The following TEX11 variants were observed in gnomAD, a reference collection of about 807,000 sequenced individuals.
TEX11 encodes testis-expressed protein 11.
A neutral mutation model predicts 84.4 loss-of-function variants in TEX11; 7 were observed. That is an observed-to-expected ratio of 0.08 (90% confidence interval 0.05 to 0.16). TEX11 has a LOEUF of 0.16. Ranked by LOEUF, TEX11 falls within the 10% of genes least tolerant of loss-of-function variation. The pLI, the probability that TEX11 is intolerant of heterozygous loss-of-function variation, is 1.00. For missense variants in TEX11, 551 were observed against 660.5 expected, an observed-to-expected ratio of 0.83 and a Z score of 1.82; for synonymous variants, 264 against 222.8, an observed-to-expected ratio of 1.18 and a Z score of -1.64.
At chrX:70,694,368 T>TAAAACAAAAC (rs752930566) in intron 13 of TEX11, among the ~76,000 whole-genome samples, 1 of 111,359 alleles carries the variant, frequency 9.0e-6, no homozygotes, top group African/African-American at 3.3e-5. Flanking sequence ...ACTCAATACT[T>TAAAACAAAAC]AAAACAAAAC....
At chrX:70,796,850 CAT>C (rs2091158269) in intron 9 of TEX11, among the ~76,000 whole-genome samples, 1 of 112,000 alleles carries the variant, frequency 8.9e-6, no homozygotes. Context: ...GGTCAACAAA[CAT>C]ATGAAAAAAT....
chrX:70,749,086 T>C (rs1170062069), intron 9 of TEX11, among the ~76,000 whole-genome samples: 1 of 104,322 alleles, frequency 9.6e-6, no homozygotes, highest in African/African-American at 3.7e-5. Context: ...TTGTATCCTC[T>C]TTTATTTCAT....
At chrX:70,884,669 G>A (rs1268273844) in intron 2 of TEX11, among the ~76,000 whole-genome samples, 1 of 110,693 alleles carries the variant, frequency 9.0e-6, no homozygotes, top group Non-Finnish European at 1.9e-5. Context: ...ATTGGATATG[G>A]TACAAGAGAA....
chrX:70,679,013 C>T, intron 14 of TEX11, 124 bp from the exon 15 acceptor site: 1 of 549,080 alleles, frequency 1.8e-6, no homozygotes, highest in Non-Finnish European at 2.9e-6. Flanking sequence ...CCTCTGATGC[C>T]GAGCTGAAGC....
chrX:70,718,816 C>T (rs962031314), intron 13 of TEX11, among the ~76,000 whole-genome samples: 2 of 111,293 alleles, frequency 1.8e-5, no homozygotes, highest in Admixed American at 9.6e-5. Context: ...CTATAAGGAC[C>T]GGCCCTCTGA....
At chrX:70,878,258 C>T (rs1034814011) in intron 3 of TEX11, among the ~76,000 whole-genome samples, 3 of 105,973 alleles carry the variant, frequency 2.8e-5, no homozygotes, top group Admixed American at 1.0e-4. Flanking sequence ...CTGCAAGCTC[C>T]GCCTTCTGGG....
At chrX:70,680,923 G>A (rs1029822211) in intron 14 of TEX11, among the ~76,000 whole-genome samples, 4 of 112,512 alleles carry the variant, frequency 3.6e-5, no homozygotes, top group African/African-American at 1.3e-4. Flanking sequence ...ATACTATTAT[G>A]TGCTAAATAG....
intron 25 of TEX11, among the ~76,000 whole-genome samples, chrX:70,590,809 G>A (rs6625637): frequency 0.43 from 47,578 of 110,579 alleles, 8,402 homozygotes; most frequent in East Asian, 0.6. Context: ...GTGCAATGGC[G>A]TGATCTTGGC....
intron 17 of TEX11, among the ~76,000 whole-genome samples, chrX:70,648,413 A>T (rs1472022468): frequency 9.1e-6 from 1 of 110,268 alleles, no homozygotes; most frequent in African/African-American, 3.3e-5. Flanking sequence ...AAGTATAATA[A>T]TAAAATAAAT....
At chrX:70,780,660 G>A (rs893847424) in intron 9 of TEX11, among the ~76,000 whole-genome samples, 4 of 112,643 alleles carry the variant, frequency 3.6e-5, no homozygotes, top group Admixed American at 1.9e-4. Context: ...ATTCCCTCTC[G>A]TGCCTGGCTT....
intron 15 of TEX11, among the ~76,000 whole-genome samples, chrX:70,674,353 A>G (rs762744096): frequency 5.4e-4 from 60 of 112,084 alleles, no homozygotes; most frequent in African/African-American, 1.8e-3. Flanking sequence ...TAGTGCTGCA[A>G]TGAACATTTG....
chrX:70,733,609 C>G (rs1352516816), intron 11 of TEX11, among the ~76,000 whole-genome samples: 8 of 111,567 alleles, frequency 7.2e-5, no homozygotes, highest in African/African-American at 1.6e-4. Context: ...AGTGAGATAC[C>G]ATCTCACACC....
chrX:70,843,960 A>C (rs2091463139), intron 7 of TEX11, among the ~76,000 whole-genome samples: 2 of 111,235 alleles, frequency 1.8e-5, no homozygotes, highest in South Asian at 7.7e-4. Flanking sequence ...GTCAGGAAAC[A>C]ACAGGTGCTG....
At chrX:70,556,954 A>C (rs2088293991) in intron 25 of TEX11, among the ~76,000 whole-genome samples, 1 of 109,587 alleles carries the variant, frequency 9.1e-6, no homozygotes, top group African/African-American at 3.3e-5. Flanking sequence ...AATATACAAC[A>C]ATCAAGTATT....
chrX:70,751,377 G>GC (rs920007223), intron 9 of TEX11, among the ~76,000 whole-genome samples: 4 of 103,095 alleles, frequency 3.9e-5, no homozygotes, highest in African/African-American at 1.4e-4. Context: ...GCAAACTATC[G>GC]CAAGGACAAA....
intron 25 of TEX11, among the ~76,000 whole-genome samples, chrX:70,560,893 G>GTTTTTTTTTTTTTTT (rs745618647): frequency 3.0e-5 from 1 of 33,576 alleles, no homozygotes; most frequent in African/African-American, 1.4e-4. Context: ...CACCACACCG[G>GTTTTTTTTTTTTTTT]TTTTTTTTTT....
At chrX:70,566,573 A>T (rs915761470) in intron 25 of TEX11, among the ~76,000 whole-genome samples, 15 of 111,206 alleles carry the variant, frequency 1.3e-4, no homozygotes, top group Admixed American at 3.8e-4. Context: ...TTTGAAATAC[A>T]TCCCATCAAT....
At chrX:70,524,480 C>A (rs952759850), downstream of TEX11, among the ~76,000 whole-genome samples, 4 of 112,822 alleles carry the variant, frequency 3.5e-5, no homozygotes, top group South Asian at 1.5e-3. Context: ...AAGTAACATA[C>A]TTAAAGACAG....
intron 9 of TEX11, among the ~76,000 whole-genome samples, chrX:70,761,821 C>T (rs1390438664): frequency 9.0e-6 from 1 of 111,514 alleles, no homozygotes; most frequent in Admixed American, 9.5e-5. Context: ...AGTTATAGAA[C>T]ACCAGATTTA....
Sources: allele counts gnomAD v4.1 joint callset (sites outside exome capture counted in the v4.1 genomes callset), GRCh38; gene constraint gnomAD v4.1.1; transcripts MANE v1.5; gene names NCBI Gene and HGNC (gene_info 2026-07-23, HGNC 2026-07-21).